The following ZNF831 variants were observed in gnomAD, a reference collection of about 807,000 sequenced individuals.
ZNF831 encodes zinc finger protein 831.
Under a neutral mutation model 95.8 loss-of-function variants are expected in ZNF831, and 59 were observed. The observed-to-expected ratio is 0.62, with a 90% CI of 0.50 to 0.77. The LOEUF is 0.77. Ranked by LOEUF, ZNF831 falls within the 30% of genes least tolerant of loss-of-function variation. The probability of loss-of-function intolerance (pLI) is 0.00; values close to 1 mark genes in which losing one functional copy is unlikely to be tolerated. For missense variants in ZNF831, 2,205 were observed against 2,164.0 expected, an observed-to-expected ratio of 1.02 and a Z score of -0.38; for synonymous variants, 961 against 925.5, an observed-to-expected ratio of 1.04 and a Z score of -0.70.
At chr20:59,249,151 T>G (rs1025275417) in intron 4 of ZNF831, among the ~76,000 whole-genome samples, 2 of 152,258 alleles carry the variant, frequency 1.3e-5, no homozygotes, top group African/African-American at 4.8e-5. Context: ...GGACTTGTTC[T>G]TTCTCACTCT....
intron 4 of ZNF831, among the ~76,000 whole-genome samples, chr20:59,219,250 G>A (rs1985915376): frequency 6.6e-6 from 1 of 152,170 alleles, no homozygotes; most frequent in Non-Finnish European, 1.5e-5. Flanking sequence ...AGGAGGTTAG[G>A]AACCGGTTGG....
Position 59,169,489 on chromosome 20 carries a change from G to A in ZNF831, c.-37+5282G>A, listed in dbSNP as rs1228326625. The stretch of plus-strand genomic sequence containing the variant: ...GATTCTAAAGACCAATTTTAGGCTG[G>A]GCACAGTGGCTCATGCCTATAATCC... On this transcript the variant is annotated intron_variant, in intron 1 of 5. Coordinates refer to ENST00000371030, the MANE Select transcript of ZNF831 (RefSeq NM_178457.3). The surrounding 1 kb of genome is among the most constrained non-coding windows in gnomAD (Gnocchi z 4.1). Among the ~76,000 whole-genome samples the A allele has an allele frequency of 6.6e-6, 1 of 152,152 alleles. No individual in the cohort carries two copies. Among genetic ancestry groups the A allele is most frequent in the African/African-American group, 2.4e-5 (1 of 41,436 alleles).
Position 59,195,997 on chromosome 20 carries a change from C to A in ZNF831, c.3867C>A (p.Asn1289Lys), listed in dbSNP as rs760005634. ...GNSKQRKLKI[N>K]PKRYKGNFLQ... is the part of the protein sequence containing the mutation. Reference sequence around the variant, plus strand: ...GCAAGCAGAGAAAACTGAAGATCAACCCTAAAAGGTAGGATGAGTGGCCAC... The same window carrying A: ...GCAAGCAGAGAAAACTGAAGATCAAACCTAAAAGGTAGGATGAGTGGCCAC... The change falls in exon 3 of 6, where the codon AAC (asparagine) becomes AAA (lysine). Residue 1289 changes from asparagine to lysine, a missense_variant. By Grantham distance (94) the Asn-to-Lys change is moderately conservative. Transcript: ENST00000371030. 10 of 1,613,844 alleles carry A rather than the reference C, an allele frequency of 6.2e-6. No homozygotes were observed. The highest frequency in any genetic ancestry group is 8.5e-6 in the Non-Finnish European group (10 of 1,179,886).
intron 2 of ZNF831, among the ~76,000 whole-genome samples, chr20:59,154,379 G>A (rs6026733): frequency 0.11 from 16,101 of 152,174 alleles, 905 homozygotes; most frequent in Non-Finnish European, 0.12. Flanking sequence ...CCAGAGCAGT[G>A]AGCAGAAAGC....
chr20:59,171,142 G>A (rs901211728), intron 1 of ZNF831, among the ~76,000 whole-genome samples: 1 of 152,150 alleles, frequency 6.6e-6, no homozygotes. Flanking sequence ...GAGTCCTGGG[G>A]CCTGTGGCTG....
chr20:59,184,711 G>A (rs1047314045), intron 1 of ZNF831, among the ~76,000 whole-genome samples: 1 of 152,140 alleles, frequency 6.6e-6, no homozygotes. Flanking sequence ...TATCCAATAT[G>A]CTTCTCCATG....
chr20:59,140,054 A>G (rs192319), intron 1 of ZNF831, among the ~76,000 whole-genome samples: 119,394 of 152,286 alleles, frequency 0.78, 47,833 homozygotes, highest in African/African-American at 0.94. Context: ...AAAATTCTAA[A>G]TGATAAGAAT....
At chr20:59,188,656 CAATAAATAAATAAATA>C (rs57692294) in intron 1 of ZNF831, among the ~76,000 whole-genome samples, 12 of 149,346 alleles carry the variant, frequency 8.0e-5, no homozygotes, top group Admixed American at 7.3e-4. Flanking sequence ...GACTCCATCT[CAATAAATAAATAAATA>C]AATAAATAAA....
chr20:59,221,765 AT>A (rs1285600896), intron 4 of ZNF831, among the ~76,000 whole-genome samples: 1 of 152,162 alleles, frequency 6.6e-6, no homozygotes, highest in Non-Finnish European at 1.5e-5. Flanking sequence ...TGAACAAGTG[AT>A]TTTTGTACCA....
chr20:59,211,969 AG>A (rs1232941081), intron 4 of ZNF831, among the ~76,000 whole-genome samples: 1 of 152,056 alleles, frequency 6.6e-6, no homozygotes, highest in African/African-American at 2.4e-5. Flanking sequence ...ACCTTTGTGT[AG>A]GTGGAGGTGG....
Position 59,127,664 on chromosome 20 carries a change from C to A in ZNF831, c.-1425+4159C>A, listed in dbSNP as rs916198206. Reference sequence around the variant, plus strand: ...ATTTTCCAGCGTGATGGTTTTGCCACCTTGCCTGTGAGATATTTATGTGTT... The same window carrying A: ...ATTTTCCAGCGTGATGGTTTTGCCAACTTGCCTGTGAGATATTTATGTGTT... On this transcript the variant is annotated intron_variant, in intron 1 of 7. Transcript: ENST00000637017. Among the ~76,000 whole-genome samples the A allele has an allele frequency of 2.6e-5, 4 of 152,324 alleles. No homozygotes were observed. The South Asian group carries it at 6.2e-4, about 24-fold the overall frequency.
chr20:59,133,060 G>A (rs1979397191), intron 1 of ZNF831, among the ~76,000 whole-genome samples: 2 of 96,474 alleles, frequency 2.1e-5, no homozygotes, highest in Admixed American at 1.1e-4. Context: ...CTATGCTCCG[G>A]TCCTGCATGA....
At chr20:59,218,866 A>G (rs920437031) in intron 4 of ZNF831, among the ~76,000 whole-genome samples, 7 of 152,082 alleles carry the variant, frequency 4.6e-5, no homozygotes, top group African/African-American at 1.7e-4. Context: ...TATAAAAATT[A>G]GCCGGGTGTA....
intron 1 of ZNF831, among the ~76,000 whole-genome samples, chr20:59,173,204 C>T (rs1267725066): frequency 1.3e-5 from 2 of 152,130 alleles, no homozygotes; most frequent in African/African-American, 4.8e-5. Context: ...GTCCTCACCT[C>T]GAGTTTTAGG....
chr20:59,253,871 T>G lies in ZNF831; in HGVS notation c.4189-27T>G, dbSNP rs556601373. Reference sequence around the variant, plus strand: ...GTACCAATTAACCTCCCCCCCCACTTTTTTTTTCCTTTGCACTTTGTTGCA... The same window carrying G: ...GTACCAATTAACCTCCCCCCCCACTGTTTTTTTCCTTTGCACTTTGTTGCA... On this transcript the variant is annotated intron_variant, in intron 5 of 5. Coordinates refer to ENST00000371030, the MANE Select transcript of ZNF831 (RefSeq NM_178457.3). 1.5e-4 allele frequency: 97 copies of G among 629,050 alleles called. 4 individuals are homozygous for G. In the East Asian group the frequency reaches 3.5e-3, roughly 23 times the overall value. The allele number at this position is 629,050 out of a possible 1,614,324, so 39.0% of individuals were successfully genotyped here. A position where few individuals can be genotyped will look rare whatever the true frequency, so the allele number is the denominator to read the frequency against.
intron 1 of ZNF831, among the ~76,000 whole-genome samples, chr20:59,167,607 A>C (rs905674736): frequency 5.3e-5 from 8 of 151,974 alleles, no homozygotes; most frequent in Admixed American, 1.3e-4. Context: ...GACTGTTTTA[A>C]ATATTTTGAG....
intron 1 of ZNF831, among the ~76,000 whole-genome samples, chr20:59,135,373 C>T (rs1225821540): frequency 2.6e-5 from 4 of 151,876 alleles, no homozygotes; most frequent in African/African-American, 9.7e-5. Context: ...ATCACTTGAG[C>T]CCAGCAGTTT....
rs2146554101 is a variant in ZNF831 at position 59,191,803 on chromosome 20, A to T, written c.784A>T (p.Arg262Trp). 6.2e-7 allele frequency: 1 copy of T among 1,613,210 alleles called. No individual in the cohort carries two copies. The highest frequency in any genetic ancestry group is 8.5e-7 in the Non-Finnish European group (1 of 1,179,868). ...CCTACTTGCCAAGAACCTGGATGTG[A>T]GGACCGAAGCTGCTCCCTGTCCAGG... ...VPLLAKNLDV[R>W]TEAAPCPGSA... Residue 262 changes from arginine (R) to tryptophan (W), a missense_variant, in exon 2 of 6, where the codon AGG becomes TGG. By Grantham distance (101) the Arg-to-Trp change is moderately radical. Transcript: ENST00000371030.
intron 4 of ZNF831, among the ~76,000 whole-genome samples, chr20:59,227,335 G>A (rs1986485484): frequency 6.6e-6 from 1 of 152,134 alleles, no homozygotes; most frequent in Non-Finnish European, 1.5e-5. Flanking sequence ...AAATTTTGGA[G>A]GAAAAATCTC....
Sources: gnomAD v4.1 joint callset for allele counts (sites outside exome capture counted in the v4.1 genomes callset) on GRCh38, gnomAD v4.1.1 for gene constraint, Gnocchi (gnomAD v3.1) non-coding constraint, MANE v1.5 for transcripts, NCBI Gene and HGNC (gene_info 2026-07-23, HGNC 2026-07-21) for gene names.